The following SORCS2 variants were observed in gnomAD, a reference collection of about 807,000 sequenced individuals.
The protein encoded by SORCS2 is VPS10 domain-containing receptor SorCS2.
In SORCS2, 100 loss-of-function variants were observed where a neutral mutation model predicts 141.6. The observed-to-expected ratio is 0.71, with a 90% CI of 0.60 to 0.83. The LOEUF (loss-of-function observed/expected upper bound fraction) is 0.83, where lower values mean the gene tolerates loss of function less well. Ranked by LOEUF, SORCS2 falls within the 40% of genes least tolerant of loss-of-function variation. The probability of loss-of-function intolerance (pLI) is 0.00; values close to 1 mark genes in which losing one functional copy is unlikely to be tolerated. For synonymous variants in SORCS2, 789 were observed against 676.9 expected (o/e 1.17, Z -2.57); for missense variants, 1,646 against 1,560.2 (o/e 1.05, Z -0.93).
At chr4:7,298,203 C>T (rs1475714589) in intron 1 of SORCS2, among the ~76,000 whole-genome samples, 2 of 152,160 alleles carry the variant, frequency 1.3e-5, no homozygotes, top group African/African-American at 4.8e-5. Context: ...GGGTCCAGGA[C>T]ATGACCATGG....
intron 1 of SORCS2, among the ~76,000 whole-genome samples, chr4:7,263,415 C>T (rs1411815540): frequency 6.6e-5 from 10 of 152,192 alleles, no homozygotes; most frequent in Non-Finnish European, 8.8e-5. Flanking sequence ...CATTCTGGTT[C>T]TGTGATGCTG....
At chr4:7,219,670 A>G (rs764482689) in intron 1 of SORCS2, among the ~76,000 whole-genome samples, 48 of 152,210 alleles carry the variant, frequency 3.2e-4, no homozygotes, top group Non-Finnish European at 5.7e-4. Flanking sequence ...ATCCGAGAAT[A>G]GCATGGGGGA....
rs139298078 is a variant in SORCS2 at position 7,410,181 on chromosome 4, C to T, written c.548+13826C>T. Reference sequence around the variant, plus strand: ...GTATCACAGCATTCCTCTCTGTGCCCCCATAATGTTGGAGCAAACAAAGAG... The same window carrying T: ...GTATCACAGCATTCCTCTCTGTGCCTCCATAATGTTGGAGCAAACAAAGAG... On this transcript the variant is annotated intron_variant, in intron 2 of 26. Transcript: ENST00000507866. 2.4e-3 allele frequency among the ~76,000 whole-genome samples: 361 copies of T among 152,344 alleles called. 3 individuals are homozygous for T. The highest frequency in any genetic ancestry group is 7.7e-3 in the African/African-American group (320 of 41,574).
intron 3 of SORCS2, among the ~76,000 whole-genome samples, chr4:7,573,244 G>A (rs188976934): frequency 5.9e-5 from 9 of 152,202 alleles, no homozygotes; most frequent in Admixed American, 3.3e-4. Flanking sequence ...AGATCCCTGC[G>A]GCATGATATC....
At chr4:7,244,416 C>A (rs116289590) in intron 1 of SORCS2, among the ~76,000 whole-genome samples, 1,975 of 152,382 alleles carry the variant, frequency 0.013, 54 homozygotes, top group African/African-American at 0.044. Context: ...GCTGCTCCTG[C>A]AGGAGTGGAC....
rs184042439 is a variant in SORCS2 at position 7,231,786 on chromosome 4, G to A, written c.480+38660G>A. 3.9e-5 allele frequency among the ~76,000 whole-genome samples: 6 copies of A among 152,292 alleles called. No individual in the cohort carries two copies. The East Asian group carries it at 1.2e-3, about 29-fold the overall frequency. Reference sequence around the variant, plus strand: ...TGGCCTTTGCACTTTAGGAATGAATGTGACTGCCATGGTGTGGGTGGTCAG... The same window carrying A: ...TGGCCTTTGCACTTTAGGAATGAATATGACTGCCATGGTGTGGGTGGTCAG... On this transcript the variant is annotated intron_variant, in intron 1 of 26. Coordinates refer to ENST00000507866, the MANE Select transcript of SORCS2 (RefSeq NM_020777.3).
At chr4:7,324,808 G>A (rs551795808) in intron 1 of SORCS2, among the ~76,000 whole-genome samples, 46 of 152,364 alleles carry the variant, frequency 3.0e-4, no homozygotes, top group Non-Finnish European at 5.1e-4. Context: ...AACCCATCAC[G>A]TGTAAGTGGA....
intron 2 of SORCS2, among the ~76,000 whole-genome samples, chr4:7,451,171 A>G (rs1728437106): frequency 1.3e-5 from 2 of 152,234 alleles, no homozygotes; most frequent in South Asian, 4.1e-4. Flanking sequence ...TCAGCAAGCA[A>G]GTGAATAAAT....
intron 2 of SORCS2, among the ~76,000 whole-genome samples, chr4:7,482,462 T>C (rs55937156): frequency 0.2 from 5,813 of 29,644 alleles, 832 homozygotes; most frequent in Middle Eastern, 0.39. Flanking sequence ...GTATCCCCGC[T>C]GCGGACACCC....
At chr4:7,314,336 TTTTTATTTTTTTTTA>T (rs1403254765) in intron 1 of SORCS2, among the ~76,000 whole-genome samples, 2 of 59,980 alleles carry the variant, frequency 3.3e-5, no homozygotes, top group Non-Finnish European at 7.6e-5. Context: ...TTTTTTATTT[TTTTTATTTTTTTTTA>T]TTTTTTGAGA....
At chr4:7,250,217 G>A (rs1170379566) in intron 1 of SORCS2, among the ~76,000 whole-genome samples, 6 of 152,046 alleles carry the variant, frequency 3.9e-5, no homozygotes, top group African/African-American at 9.7e-5. Flanking sequence ...CCTCCAGCCT[G>A]GGTGATTGAG....
intron 1 of SORCS2, among the ~76,000 whole-genome samples, chr4:7,288,278 G>A (rs36048565): frequency 0.14 from 20,597 of 151,952 alleles, 2,036 homozygotes; most frequent in African/African-American, 0.27. Context: ...CTGAAATTCG[G>A]GGCCTTGCTG....
chr4:7,267,226 A>C (rs1662871425), intron 1 of SORCS2, among the ~76,000 whole-genome samples: 1 of 152,166 alleles, frequency 6.6e-6, no homozygotes, highest in Admixed American at 6.5e-5. Flanking sequence ...AGCCTTTCTT[A>C]CCCTTCTGGT....
Position 7,413,529 on chromosome 4 carries a change from A to C in SORCS2, c.548+17174A>C, listed in dbSNP as rs1473564306. On this transcript the variant is annotated intron_variant, in intron 2 of 26. Transcript: ENST00000507866. The stretch of plus-strand genomic sequence containing the variant: ...CTGCCTCAGCCTTCGGAGTAGCTAC[A>C]TGCGCCCGCCACCATGCCTGGCTAA... 2.0e-5 allele frequency among the ~76,000 whole-genome samples: 3 copies of C among 151,088 alleles called. No homozygotes were observed. The South Asian group carries it at 6.3e-4, about 32-fold the overall frequency.
At chr4:7,640,895 C>G in intron 4 of SORCS2, among the ~76,000 whole-genome samples, 1 of 152,046 alleles carries the variant, frequency 6.6e-6, no homozygotes, top group East Asian at 1.9e-4. Context: ...CTGAGGCTTC[C>G]CACAGATGGA....
chr4:7,450,816 ATGAG>A (rs1728385297), intron 2 of SORCS2, among the ~76,000 whole-genome samples: 1 of 152,196 alleles, frequency 6.6e-6, no homozygotes, highest in African/African-American at 2.4e-5. Flanking sequence ...GGAATGAGGA[ATGAG>A]TGTGTGAATG....
rs184700383 is a variant in SORCS2, at chr4:7,214,855, G to C, written c.480+21729G>C. Reference sequence around the variant, plus strand: ...CCTGTCTTTGCTGTTGGGTTTCCAGGCTGTAGGTCTGTTCTGCTCATGGAC... The same window carrying C: ...CCTGTCTTTGCTGTTGGGTTTCCAGCCTGTAGGTCTGTTCTGCTCATGGAC... On this transcript the variant is annotated intron_variant, in intron 1 of 26. Transcript: ENST00000507866. Among the ~76,000 whole-genome samples the C allele has an allele frequency of 1.7e-4, 26 of 152,356 alleles. No homozygotes were observed. The East Asian group carries it at 4.1e-3, about 24-fold the overall frequency.
intron 5 of SORCS2, among the ~76,000 whole-genome samples, chr4:7,659,376 C>T (rs539426760): frequency 6.6e-6 from 1 of 152,298 alleles, no homozygotes; most frequent in African/African-American, 2.4e-5. Flanking sequence ...GGACTCCATC[C>T]CTGCCTTCCC....
chr4:7,239,265 A>G (rs114028007), intron 1 of SORCS2, among the ~76,000 whole-genome samples: 2,390 of 152,246 alleles, frequency 0.016, 70 homozygotes, highest in African/African-American at 0.054. Flanking sequence ...GCAGCTTCTG[A>G]GCTTCTGCAG....
Sources: gnomAD v4.1 joint callset for allele counts (sites outside exome capture counted in the v4.1 genomes callset) on GRCh38, gnomAD v4.1.1 for gene constraint, MANE v1.5 for transcripts, NCBI Gene and HGNC (gene_info 2026-07-23, HGNC 2026-07-21) for gene names.